Variants in ORC3 observed in about 807,000 individuals in gnomAD.
ORC3 encodes origin recognition complex subunit 3.
In ORC3, 78 loss-of-function variants were observed where a neutral mutation model predicts 100.7. That is an observed-to-expected ratio of 0.77 (90% CI 0.65 to 0.94). The LOEUF (loss-of-function observed/expected upper bound fraction) is 0.94. Ranked by LOEUF, ORC3 falls within the 40% of genes least tolerant of loss-of-function variation. The pLI, the probability that ORC3 is intolerant of heterozygous loss-of-function variation, is 0.00. For synonymous variants in ORC3, 295 were observed against 289.3 expected, an observed-to-expected ratio of 1.02 and a Z score of -0.20; for missense variants, 789 against 823.9, an observed-to-expected ratio of 0.96 and a Z score of 0.52.
intron 15 of ORC3, 77 bp from the exon 16 acceptor site, chr6:87,657,844 G>A (rs1769840440): frequency 1.3e-6 from 1 of 756,734 alleles, no homozygotes; most frequent in Non-Finnish European, 2.3e-6. Flanking sequence ...TGCTTCTATA[G>A]AACTTACCAA....
At chr6:87,676,596 AACACACACACACACACACAC>A in the ORC3 span, among the ~76,000 whole-genome samples, 4 of 142,046 alleles carry the variant, frequency 2.8e-5, no homozygotes, top group Non-Finnish European at 6.0e-5. Flanking sequence ...CTCTACTAAA[AACACACACACACACACACAC>A]ACACACACAC....
At chr6:87,669,924 T>C (rs1475944824), downstream of ORC3, among the ~76,000 whole-genome samples, 1 of 152,212 alleles carries the variant, frequency 6.6e-6, no homozygotes, top group African/African-American at 2.4e-5. Flanking sequence ...GTTTAGAAAC[T>C]ATTACTTTGA....
At chr6:87,599,325 CTTG>C (rs1287593163) in intron 2 of ORC3, among the ~76,000 whole-genome samples, 1 of 150,998 alleles carries the variant, frequency 6.6e-6, no homozygotes, top group African/African-American at 2.4e-5. Context: ...TTAAAGCTAC[CTTG>C]TTGTTCTGCT....
intron 16 of ORC3, among the ~76,000 whole-genome samples, chr6:87,661,535 C>G (rs1431046274): frequency 5.9e-5 from 9 of 152,130 alleles, no homozygotes; most frequent in Admixed American, 1.3e-4. Flanking sequence ...CTCTCTTCTT[C>G]AGAGCTCCTG....
In ORC3 at chr6:87,621,465, C is replaced by T. The variant is rs775735806; in HGVS notation, c.1099C>T (p.Arg367Ter). 1.5e-5 allele frequency: 24 copies of T among 1,592,500 alleles called. No individual in the cohort carries two copies. The highest frequency in any genetic ancestry group is 2.3e-5 in the East Asian group (1 of 43,990). The change falls in exon 10 of 20, where the codon CGA becomes TGA. Residue 367 changes from arginine (R) to a stop codon, truncating the protein, a stop_gained. Coordinates refer to ENST00000392844, the MANE Select transcript of ORC3 (RefSeq NM_012381.4). LOFTEE classifies it high-confidence loss of function. ...FLSNNQCENI[R>*]RLPSFRRYVE... is the part of the protein sequence containing the mutation. ...ATCAAATAATCAATGTGAAAACATC[C>T]GACGTCTACCATCTTTTAGGAGGTA...
At chr6:87,607,937 A>G in intron 6 of ORC3, 113 bp downstream of exon 6, 1 of 628,262 alleles carries the variant, frequency 1.6e-6, no homozygotes, top group Non-Finnish European at 2.6e-6. Context: ...CTGCAGCACT[A>G]GGTGTTAATT....
chr6:87,601,174 A>C (rs575212914), intron 2 of ORC3, among the ~76,000 whole-genome samples: 105 of 152,344 alleles, frequency 6.9e-4, no homozygotes, highest in African/African-American at 2.2e-3. Context: ...TAATGAAAAC[A>C]TTATTAAATG....
rs1164694849 is a variant in ORC3, at chr6:87,665,780, T to C, written c.1977T>C (p.Ala659=). The change falls in exon 19 of 20, where the codon GCT becomes GCC. Residue 659 remains alanine, a synonymous_variant. Coordinates refer to ENST00000392844, the MANE Select transcript of ORC3 (RefSeq NM_012381.4). ...CTTTTGCAACAGTTGTGACAGCTGC[T>C]GAAAAAATGGATGCAAATTCTGCAA... The part of the protein sequence containing the change: ...SEAFATVVTA[A]EKMDANSATS... 9 of 1,612,222 alleles carry C rather than the reference T, an allele frequency of 5.6e-6. No individual in the cohort carries two copies. The highest frequency in any genetic ancestry group is 1.1e-5 in the South Asian group (1 of 90,976).
chr6:87,662,491 A>C (rs1461556240), intron 16 of ORC3, among the ~76,000 whole-genome samples: 2 of 152,182 alleles, frequency 1.3e-5, no homozygotes, highest in Admixed American at 1.3e-4. Context: ...ATTTCCATGA[A>C]AGATATCAAC....
At chr6:87,618,426 A>AAG (rs1441509737) in intron 9 of ORC3, among the ~76,000 whole-genome samples, 1 of 151,956 alleles carries the variant, frequency 6.6e-6, no homozygotes, top group Non-Finnish European at 1.5e-5. Context: ...CAAAAAAAAA[A>AAG]AAAGAAATCT....
At chr6:87,622,641 G>A (rs935202757) in intron 11 of ORC3, among the ~76,000 whole-genome samples, 6 of 150,550 alleles carry the variant, frequency 4.0e-5, no homozygotes, top group South Asian at 2.1e-4. Context: ...GAAAGGCTTC[G>A]TTTCACCTGT....
rs1325283325 is a variant in ORC3, at chr6:87,656,894, T to A, written c.1517-12T>A. 1.3e-6 allele frequency: 2 copies of A among 1,599,154 alleles called. No homozygotes were observed. The highest frequency in any genetic ancestry group is 2.2e-5 in the South Asian group (2 of 90,332). ...CCCTCATTGATGTCTACTGGTTTTG[T>A]ATTAAAAGCAGAAACCAAAGAGGAA... On this transcript the variant is annotated splice_polypyrimidine_tract_variant and intron_variant, in intron 14 of 19. Coordinates refer to ENST00000392844, the MANE Select transcript of ORC3 (RefSeq NM_012381.4).
chr6:87,665,925 C>T (rs1770559738), intron 19 of ORC3, 92 bp downstream of exon 19: 9 of 712,634 alleles, frequency 1.3e-5, no homozygotes, highest in Middle Eastern at 3.1e-4. Flanking sequence ...TTTATAAAGG[C>T]GTACTCCAAA....
chr6:87,626,944 C>G (rs1417650792), intron 11 of ORC3, among the ~76,000 whole-genome samples: 1 of 151,832 alleles, frequency 6.6e-6, no homozygotes, highest in Non-Finnish European at 1.5e-5. Flanking sequence ...ATATTTTTCA[C>G]TCATAAAAAT....
chr6:87,597,191 CACCTTA>C (rs1777511999), intron 2 of ORC3, among the ~76,000 whole-genome samples: 1 of 152,130 alleles, frequency 6.6e-6, no homozygotes, highest in Non-Finnish European at 1.5e-5. Flanking sequence ...GTTTCATATA[CACCTTA>C]ACCACATAGC....
At chr6:87,606,418 T>C (rs887189968) in intron 5 of ORC3, among the ~76,000 whole-genome samples, 1 of 152,196 alleles carries the variant, frequency 6.6e-6, no homozygotes, top group Non-Finnish European at 1.5e-5. Flanking sequence ...AATCATCTTA[T>C]TGTCCCACTT....
Position 87,607,739 on chromosome 6 carries a change from A to T in ORC3, c.494A>T (p.Lys165Ile). The T allele has an allele frequency of 3.7e-6, 6 of 1,612,134 alleles. No individual in the cohort carries two copies. The highest frequency in any genetic ancestry group is 5.1e-6 in the Non-Finnish European group (6 of 1,178,650). The change falls in exon 6 of 20, where the codon AAA becomes ATA. Residue 165 changes from lysine (K) to isoleucine (I), a missense_variant. By Grantham distance (102) the Lys-to-Ile change is moderately radical. Around this residue, in one of 3 missense-constraint regions of ORC3, gnomAD observed 399 missense variants for 382.0 expected, o/e 1.04. Transcript: ENST00000392844. The part of the protein sequence containing the change: ...LMDCCVDIKS[K>I]EEESVHVTQR... ...GACTGCTGTGTAGATATAAAATCCA[A>T]AGAGGAGGAAAGTGTTCACGTCACC... is the stretch of plus-strand genomic sequence containing the variant.
At chr6:87,635,002 T>C in intron 12 of ORC3, 41 bp downstream of exon 12, 1 of 1,016,186 alleles carries the variant, frequency 9.8e-7, no homozygotes, top group Non-Finnish European at 1.6e-6. Context: ...GAAGTAGGAA[T>C]GTTAGTATTT....
chr6:87,614,031 C>T (rs542165237), intron 8 of ORC3, among the ~76,000 whole-genome samples: 2 of 152,290 alleles, frequency 1.3e-5, no homozygotes, highest in Admixed American at 6.5e-5. Flanking sequence ...GACTCCAACC[C>T]CACATTTCCC....
Sources: allele counts gnomAD v4.1 joint callset (sites outside exome capture counted in the v4.1 genomes callset), GRCh38; gene constraint gnomAD v4.1.1; regional missense constraint gnomAD v4.1.1; transcripts MANE v1.5; gene names NCBI Gene and HGNC (gene_info 2026-07-23, HGNC 2026-07-21).